Variants in VWA8 observed in about 807,000 individuals in gnomAD.
VWA8 encodes the protein von Willebrand factor A domain containing 8.
In VWA8, 221 loss-of-function variants were observed where a neutral mutation model predicts 241.5. That is an observed-to-expected ratio of 0.91 (90% confidence interval 0.82 to 1.02). VWA8 has a LOEUF of 1.02. Ranked by LOEUF, VWA8 falls within the 50% of genes least tolerant of loss-of-function variation. The pLI is 0.00. For synonymous variants in VWA8, 852 were observed against 827.1 expected (o/e 1.03, Z -0.52); for missense variants, 2,322 against 2,328.7 (o/e 1.00, Z 0.06).
chr13:41,807,594 T>G (rs1317639170), intron 17 of VWA8: 1 of 152,212 alleles, frequency 6.6e-6, no homozygotes, highest in Non-Finnish European at 1.5e-5. Flanking sequence ...AAAAACCATG[T>G]GATCACTTCA....
chr13:41,943,013 CA>C (rs1877673272), intron 2 of VWA8, among the ~76,000 whole-genome samples: 1 of 152,156 alleles, frequency 6.6e-6, no homozygotes, highest in Non-Finnish European at 1.5e-5. Flanking sequence ...AGCTATACAG[CA>C]AAGAGATTTT....
chr13:41,576,601 TG>T (rs1329878716), intron 42 of VWA8, among the ~76,000 whole-genome samples: 1 of 152,192 alleles, frequency 6.6e-6, no homozygotes. Context: ...ACTTGTGTCC[TG>T]GGGGAGAGAT....
chr13:41,958,075 T>TATAA (rs1878427996), intron 1 of VWA8, among the ~76,000 whole-genome samples: 1 of 152,200 alleles, frequency 6.6e-6, no homozygotes, highest in South Asian at 2.1e-4. Flanking sequence ...TTAATGGAAG[T>TATAA]ATAAAGAGAT....
intron 2 of VWA8, among the ~76,000 whole-genome samples, chr13:41,945,220 C>G (rs1877795972): frequency 6.6e-6 from 1 of 151,828 alleles, no homozygotes. Flanking sequence ...TAGCTGACCA[C>G]TAAGCTAACA....
intron 12 of VWA8, among the ~76,000 whole-genome samples, chr13:41,834,393 GTCT>G (rs945674263): frequency 2.0e-5 from 3 of 152,144 alleles, no homozygotes; most frequent in Admixed American, 6.5e-5. Context: ...AATATTTAAA[GTCT>G]TCTGTAAATT....
At chr13:41,880,928 C>A (rs1273601677) in intron 9 of VWA8, among the ~76,000 whole-genome samples, 1 of 152,188 alleles carries the variant, frequency 6.6e-6, no homozygotes, top group Non-Finnish European at 1.5e-5. Context: ...GCTTTAACAT[C>A]CTTTGATGAC....
chr13:41,856,684 C>A (rs1169375158), intron 12 of VWA8, among the ~76,000 whole-genome samples: 1 of 151,960 alleles, frequency 6.6e-6, no homozygotes, highest in Non-Finnish European at 1.5e-5. Context: ...ATTAGCCAAG[C>A]CTGCTGGTGT....
chr13:41,960,122 A>G (rs550220652), intron 1 of VWA8, among the ~76,000 whole-genome samples: 5 of 152,316 alleles, frequency 3.3e-5, no homozygotes, highest in African/African-American at 1.2e-4. Context: ...CACACAAGAA[A>G]AAGAATTCCT....
intron 37 of VWA8, among the ~76,000 whole-genome samples, chr13:41,648,605 T>C (rs543124647): frequency 6.6e-6 from 1 of 152,328 alleles, no homozygotes; most frequent in African/African-American, 2.4e-5. Flanking sequence ...TCCTGAACAA[T>C]AGCTCTTGCT....
intron 17 of VWA8, among the ~76,000 whole-genome samples, chr13:41,795,418 C>T (rs1256151300): frequency 1.3e-5 from 2 of 152,162 alleles, no homozygotes; most frequent in African/African-American, 4.8e-5. Flanking sequence ...GGCAGAAATG[C>T]TATTTTACCC....
chr13:41,824,776 C>A (rs766593264), intron 14 of VWA8, among the ~76,000 whole-genome samples: 5 of 149,468 alleles, frequency 3.3e-5, no homozygotes, highest in Non-Finnish European at 7.4e-5. Context: ...TATGATAGCA[C>A]TACTGCACCT....
At chr13:41,863,946 A>T (rs1181862799) in intron 12 of VWA8, among the ~76,000 whole-genome samples, 5 of 152,150 alleles carry the variant, frequency 3.3e-5, no homozygotes, top group Admixed American at 6.5e-5. Context: ...TGTACCCACA[A>T]ATCTAAAATA....
At chr13:41,959,771 T>G (rs1400109527) in intron 1 of VWA8, among the ~76,000 whole-genome samples, 1 of 151,854 alleles carries the variant, frequency 6.6e-6, no homozygotes, top group Non-Finnish European at 1.5e-5. Flanking sequence ...CCGGCTAATT[T>G]TTCTGTATTT....
chr13:41,705,267 T>C (rs547779855), intron 26 of VWA8, among the ~76,000 whole-genome samples: 2 of 149,020 alleles, frequency 1.3e-5, no homozygotes, highest in South Asian at 4.3e-4. Flanking sequence ...TTCCATCTTT[T>C]TACCAGGAAA....
rs140258204 is a variant in VWA8, at chr13:41,671,215, T to A, written c.4410-68A>T. 2.9e-5 allele frequency: 44 copies of A among 1,521,328 alleles called. No individual in the cohort carries two copies. The African/African-American group carries it at 5.2e-4, about 18-fold the overall frequency. 94.2% of individuals were successfully genotyped at this position (1,521,328 alleles called of 1,614,324 possible). On this transcript the variant is annotated intron_variant, in intron 36 of 44. Transcript: ENST00000379310. ...AAAGCAGGAGGGATGACACTGCACA[T>A]TGTAATGTTCTTTACTGTTGAAAAA...
intron 4 of VWA8, among the ~76,000 whole-genome samples, chr13:41,895,747 G>C (rs768757709): frequency 6.6e-6 from 1 of 151,398 alleles, no homozygotes; most frequent in Non-Finnish European, 1.5e-5. Flanking sequence ...TAAGAACTGT[G>C]ATACGTCCTG....
At chr13:41,750,516 C>T (rs1210370902) in intron 21 of VWA8, among the ~76,000 whole-genome samples, 1 of 147,054 alleles carries the variant, frequency 6.8e-6, no homozygotes, top group East Asian at 2.0e-4. Context: ...GGAAGGAAAA[C>T]ATTTGATTCA....
intron 40 of VWA8, among the ~76,000 whole-genome samples, chr13:41,593,104 G>T (rs949730872): frequency 6.6e-6 from 1 of 152,170 alleles, no homozygotes; most frequent in East Asian, 1.9e-4. Context: ...CAGGCAGCTG[G>T]TGTCTGTTTT....
At chr13:41,626,901 A>T (rs2044695495) in intron 37 of VWA8, among the ~76,000 whole-genome samples, 1 of 152,248 alleles carries the variant, frequency 6.6e-6, no homozygotes, top group Admixed American at 6.5e-5. Context: ...ATTGCAGCAA[A>T]AACAAAAATT....
Sources: allele counts gnomAD v4.1 joint callset (sites outside exome capture counted in the v4.1 genomes callset), GRCh38; gene constraint gnomAD v4.1.1; transcripts MANE v1.5; gene names NCBI Gene and HGNC (gene_info 2026-07-23, HGNC 2026-07-21).